GRK3: variants seen among roughly 807,000 people sequenced by gnomAD.
GRK3 encodes the protein adrenergic, beta, receptor kinase 2.
In GRK3, 54 loss-of-function variants were observed where a neutral mutation model predicts 95.7. The ratio of observed to expected loss-of-function variants is 0.56; its 90% CI spans 0.45 to 0.71. The LOEUF (loss-of-function observed/expected upper bound fraction) is 0.71. GRK3 is among the 30% of genes least tolerant of loss of function. GRK3 has a pLI of 0.00. For synonymous variants in GRK3, 281 were observed against 290.8 expected, an observed-to-expected ratio of 0.97 and a Z score of 0.34; for missense variants, 649 against 851.2, an observed-to-expected ratio of 0.76 and a Z score of 2.96.
At chr22:25,621,920 C>CT (rs1489998479) in intron 2 of GRK3, among the ~76,000 whole-genome samples, 2 of 152,170 alleles carry the variant, frequency 1.3e-5, no homozygotes, top group Non-Finnish European at 2.9e-5. Context: ...CCCCAAGGGG[C>CT]TTTTATTGGC....
chr22:25,718,212 C>A (rs779014464), intron 18 of GRK3, 33 bp from the exon 19 acceptor site: 6 of 1,598,404 alleles, frequency 3.8e-6, no homozygotes, highest in Non-Finnish European at 5.1e-6. Flanking sequence ...GTTTCAGAGC[C>A]TATTTAACTC....
At chr22:25,571,040 AG>A in intron 1 of GRK3, among the ~76,000 whole-genome samples, 1 of 152,188 alleles carries the variant, frequency 6.6e-6, no homozygotes, top group Non-Finnish European at 1.5e-5. Context: ...TAGTTGGTAA[AG>A]GTCAGCTTGA....
At chr22:25,677,820 G>A (rs1798992661) in intron 8 of GRK3, among the ~76,000 whole-genome samples, 1 of 152,182 alleles carries the variant, frequency 6.6e-6, no homozygotes, top group South Asian at 2.1e-4. Context: ...ACACTTGCAA[G>A]AATTCCCTTT....
At chr22:25,599,591 CAAAA>C (rs35202175) in intron 1 of GRK3, among the ~76,000 whole-genome samples, 1 of 82,372 alleles carries the variant, frequency 1.2e-5, no homozygotes. Flanking sequence ...GACTCTGTCT[CAAAA>C]AAAAAAAAAA....
intron 11 of GRK3, among the ~76,000 whole-genome samples, chr22:25,689,700 C>T (rs1050597851): frequency 7.9e-5 from 12 of 152,164 alleles, no homozygotes; most frequent in Non-Finnish European, 1.3e-4. Context: ...TAGTGTGGCA[C>T]TATGGAATAT....
rs558419834 is a variant in GRK3 at position 25,589,497 on chromosome 22, A to C, written c.114-14880A>C. On this transcript the variant is annotated intron_variant, in intron 1 of 20. Transcript: ENST00000324198. ...GGTATATTTCCAGCCAGTTGGTATT[A>C]AATTAACACAAGTCATTATGCCTCC... Among the ~76,000 whole-genome samples, 3 of 152,330 alleles carry C rather than the reference A, an allele frequency of 2.0e-5. No individual in the cohort carries two copies. The South Asian group carries it at 6.2e-4, about 32-fold the overall frequency.
intron 1 of GRK3, among the ~76,000 whole-genome samples, chr22:25,578,341 C>G (rs1398285817): frequency 2.0e-5 from 3 of 152,100 alleles, no homozygotes; most frequent in Non-Finnish European, 4.4e-5. Flanking sequence ...CGCTAACAAA[C>G]TCTGAGGCCA....
At chr22:25,646,291 A>G (rs76620493) in intron 3 of GRK3, among the ~76,000 whole-genome samples, 420 of 152,316 alleles carry the variant, frequency 2.8e-3, no homozygotes, top group African/African-American at 9.6e-3. Context: ...AGATGAAGGG[A>G]TACATAATTT....
At chr22:25,653,159 G>T (rs1479936726) in intron 3 of GRK3, among the ~76,000 whole-genome samples, 1 of 152,124 alleles carries the variant, frequency 6.6e-6, no homozygotes, top group South Asian at 2.1e-4. Context: ...TAAAATAGGT[G>T]GGTCAAATTG....
chr22:25,599,402 C>T (rs893275390), intron 1 of GRK3, among the ~76,000 whole-genome samples: 4 of 151,894 alleles, frequency 2.6e-5, no homozygotes, highest in African/African-American at 7.3e-5. Flanking sequence ...ACCATCTTGG[C>T]TAACATGGTG....
chr22:25,582,475 T>G (rs566905514), intron 1 of GRK3, among the ~76,000 whole-genome samples: 1 of 152,212 alleles, frequency 6.6e-6, no homozygotes, highest in South Asian at 2.1e-4. Context: ...ATCTGTAAAT[T>G]CAAGACCAAA....
chr22:25,670,136 C>G (rs1023250599), intron 6 of GRK3, among the ~76,000 whole-genome samples: 11 of 152,078 alleles, frequency 7.2e-5, no homozygotes, highest in African/African-American at 2.4e-4. Context: ...TGCAACTATT[C>G]CTCTGCTTTT....
At chr22:25,699,440 C>T (rs1477175967) in intron 13 of GRK3, among the ~76,000 whole-genome samples, 1 of 152,184 alleles carries the variant, frequency 6.6e-6, no homozygotes, top group Non-Finnish European at 1.5e-5. Flanking sequence ...CATTCTTGGT[C>T]ATCATAACTT....
chr22:25,581,561 G>A (rs893455526), intron 1 of GRK3, among the ~76,000 whole-genome samples: 1 of 152,042 alleles, frequency 6.6e-6, no homozygotes, highest in African/African-American at 2.4e-5. Context: ...TAAGAGGCTC[G>A]TTTGCAACCT....
Position 25,663,693 on chromosome 22 carries a change from A to G in GRK3, c.430A>G (p.Thr144Ala), listed in dbSNP as rs773661356. 1 of 1,609,104 alleles carries G rather than the reference A, an allele frequency of 6.2e-7. No homozygotes were observed. Among genetic ancestry groups the G allele is most frequent in the East Asian group, 2.2e-5 (1 of 44,766 alleles). The stretch of plus-strand genomic sequence containing the variant: ...TTTATCCAAGAAACAAGTGACATCA[A>G]CTCTTTTTCAGGTAAGATAAAATTA... ...SHLSKKQVTS[T>A]LFQPYIEEIC... The change falls in exon 5 of 21, where the codon ACT becomes GCT. Residue 144 changes from threonine to alanine, a missense_variant. By Grantham distance (58) the Thr-to-Ala change is moderately conservative. Around this residue, in one of 3 missense-constraint regions of GRK3, gnomAD observed 206 missense variants for 231.4 expected, o/e 0.89. Coordinates refer to ENST00000324198, the MANE Select transcript of GRK3 (RefSeq NM_005160.4).
rs1273019029 is a variant in GRK3 at position 25,608,195 on chromosome 22, G to C, written c.190+3742G>C. Among the ~76,000 whole-genome samples, 6 of 151,872 alleles carry C rather than the reference G, an allele frequency of 4.0e-5. No individual in the cohort carries two copies. In the East Asian group the frequency reaches 7.8e-4, roughly 20 times the overall value. On this transcript the variant is annotated intron_variant, in intron 2 of 20. Transcript: ENST00000324198. ...TATAAGGATGAGGATAAAAGTAGCT[G>C]GCACTTAACCCCTTTCTTCTTAATA...
At chr22:25,658,077 A>G (rs2084884896) in intron 3 of GRK3, among the ~76,000 whole-genome samples, 1 of 151,934 alleles carries the variant, frequency 6.6e-6, no homozygotes, top group African/African-American at 2.4e-5. Context: ...TATTCGTTAC[A>G]TGAATATTTT....
intron 16 of GRK3, 100 bp from the exon 17 acceptor site, chr22:25,710,968 A>G (rs3730317): frequency 1.7e-6 from 1 of 585,310 alleles, no homozygotes; most frequent in Non-Finnish European, 3.0e-6. Context: ...GCAGTGGAGC[A>G]TGCGGATATC....
chr22:25,672,691 C>CT (rs1442607785), intron 7 of GRK3, among the ~76,000 whole-genome samples: 2 of 152,092 alleles, frequency 1.3e-5, no homozygotes, highest in African/African-American at 4.8e-5. Context: ...AGTTCCTTTT[C>CT]TTTTTCTTAT....
Sources: allele counts gnomAD v4.1 joint callset (sites outside exome capture counted in the v4.1 genomes callset), GRCh38; gene constraint gnomAD v4.1.1; regional missense constraint gnomAD v4.1.1; transcripts MANE v1.5; gene names NCBI Gene and HGNC (gene_info 2026-07-23, HGNC 2026-07-21).